The following GALNT10 variants were observed in gnomAD, a reference collection of about 807,000 sequenced individuals.
GALNT10 encodes the protein polypeptide N-acetylgalactosaminyltransferase 10.
In GALNT10, 41 loss-of-function variants were observed where a neutral mutation model predicts 75.0. The ratio of observed to expected loss-of-function variants is 0.55; its 90% CI spans 0.43 to 0.71. The LOEUF (loss-of-function observed/expected upper bound fraction) is 0.71. GALNT10 is among the 30% of genes least tolerant of loss of function. The pLI, the probability that GALNT10 is intolerant of heterozygous loss-of-function variation, is 0.00. For synonymous variants in GALNT10, 302 were observed against 313.0 expected (o/e 0.96, Z 0.37); for missense variants, 727 against 818.5 (o/e 0.89, Z 1.36).
intron 1 of GALNT10, among the ~76,000 whole-genome samples, chr5:154,196,729 T>C (rs1165758027): frequency 6.6e-6 from 1 of 152,200 alleles, no homozygotes; most frequent in Non-Finnish European, 1.5e-5. Context: ...CTTACCGGTC[T>C]ACTTTGGATC....
chr5:154,244,545 G>T (rs1192044527), intron 1 of GALNT10, among the ~76,000 whole-genome samples: 2 of 152,224 alleles, frequency 1.3e-5, no homozygotes, highest in African/African-American at 4.8e-5. Flanking sequence ...GCTGGGACTG[G>T]TGAGATTGGG....
chr5:154,265,280 G>A (rs917788490), intron 1 of GALNT10, among the ~76,000 whole-genome samples: 1 of 152,128 alleles, frequency 6.6e-6, no homozygotes, highest in African/African-American at 2.4e-5. Context: ...CCAGAACAAA[G>A]GGTGAAACCC....
chr5:154,350,641 C>T (rs1026499203), intron 4 of GALNT10, among the ~76,000 whole-genome samples: 1 of 152,136 alleles, frequency 6.6e-6, no homozygotes, highest in Admixed American at 6.5e-5. Context: ...TGATTTGTTG[C>T]ATTTGCTGAT....
intron 1 of GALNT10, among the ~76,000 whole-genome samples, chr5:154,293,746 C>T (rs182457304): frequency 1.1e-4 from 16 of 151,994 alleles, no homozygotes; most frequent in African/African-American, 1.2e-4. Flanking sequence ...CTTTTGCTTG[C>T]GGCACTCCTT....
chr5:154,233,055 C>T (rs948502407), intron 1 of GALNT10, among the ~76,000 whole-genome samples: 3 of 152,098 alleles, frequency 2.0e-5, no homozygotes, highest in African/African-American at 7.2e-5. Flanking sequence ...GCCTCAGTTT[C>T]CTTATCTGTA....
At chr5:154,395,464 T>C (rs983323611) in intron 7 of GALNT10, among the ~76,000 whole-genome samples, 1 of 152,244 alleles carries the variant, frequency 6.6e-6, no homozygotes, top group African/African-American at 2.4e-5. Flanking sequence ...CCAAAATATA[T>C]TAAAAGCTTA....
intron 3 of GALNT10, among the ~76,000 whole-genome samples, chr5:154,321,587 G>A (rs543755354): frequency 1.0e-3 from 157 of 152,274 alleles, no homozygotes; most frequent in Admixed American, 1.8e-3. Flanking sequence ...GCCTCCCAAA[G>A]TGTTGCGATT....
intron 1 of GALNT10, among the ~76,000 whole-genome samples, chr5:154,194,106 ACT>A (rs1457141788): frequency 6.6e-6 from 1 of 152,196 alleles, no homozygotes; most frequent in Non-Finnish European, 1.5e-5. Context: ...CAAGTTAGAA[ACT>A]CAGTGCAGTC....
At position 154,402,773 on chromosome 5, in the gene GALNT10, A is replaced by G. The variant is rs1756195273; in HGVS notation, c.1057-1331A>G. On this transcript the variant is annotated intron_variant, in intron 7 of 11. Coordinates refer to ENST00000297107, the MANE Select transcript of GALNT10 (RefSeq NM_198321.4). This position sits in a 1 kb window ranked among gnomAD's most constrained non-coding sequence, Gnocchi z 4.2. ...GGCAGGAGGCCTCAGCTCTCACCGC[A>G]TGGACCTCTCCACAGCATGGCTGGG... The G allele has an allele frequency of 6.6e-6, 1 of 152,238 alleles. No homozygotes were observed. Among genetic ancestry groups the G allele is most frequent in the African/African-American group, 2.4e-5 (1 of 41,448 alleles). The allele number at this position is 152,238 out of a possible 1,614,324, so 9.4% of individuals were successfully genotyped here.
intron 1 of GALNT10, among the ~76,000 whole-genome samples, chr5:154,262,056 G>A (rs1456767257): frequency 6.6e-6 from 1 of 152,198 alleles, no homozygotes; most frequent in East Asian, 1.9e-4. Context: ...TTACCTTGTA[G>A]GCTTTAGCTG....
intron 8 of GALNT10, among the ~76,000 whole-genome samples, chr5:154,405,092 T>G (rs943104510): frequency 1.3e-5 from 2 of 152,120 alleles, no homozygotes; most frequent in Non-Finnish European, 2.9e-5. Flanking sequence ...CGCACAGCTT[T>G]CCCTCCGGGG....
intron 1 of GALNT10, among the ~76,000 whole-genome samples, chr5:154,256,524 G>A (rs538002735): frequency 6.6e-6 from 1 of 152,014 alleles, no homozygotes; most frequent in Non-Finnish European, 1.5e-5. Context: ...TTTTTTAGGT[G>A]TGTCACAGGA....
At chr5:154,322,441 A>G (rs1425927255) in intron 3 of GALNT10, among the ~76,000 whole-genome samples, 1 of 152,114 alleles carries the variant, frequency 6.6e-6, no homozygotes, top group Non-Finnish European at 1.5e-5. Flanking sequence ...ACCCCTTGTG[A>G]TTACATTGGG....
rs1755229630 is a variant in GALNT10 at position 154,352,790 on chromosome 5, C to T, written c.568+23052C>T. Among the ~76,000 whole-genome samples the T allele has an allele frequency of 6.6e-6, 1 of 152,204 alleles. No homozygotes were observed. The highest frequency in any genetic ancestry group is 1.5e-5 in the Non-Finnish European group (1 of 68,040). ...AGCCCTTTAAATTGTGTTAATTGAG[C>T]AAAGCCTTTTGGTTTAAGAAACCTT... On this transcript the variant is annotated intron_variant, in intron 4 of 11. Coordinates refer to ENST00000297107, the MANE Select transcript of GALNT10 (RefSeq NM_198321.4). The surrounding 1 kb of genome is among the most constrained non-coding windows in gnomAD (Gnocchi z 4.4).
chr5:154,345,350 T>C (rs777584657), intron 4 of GALNT10, among the ~76,000 whole-genome samples: 1 of 152,200 alleles, frequency 6.6e-6, no homozygotes, highest in Non-Finnish European at 1.5e-5. Context: ...AAGTACATAA[T>C]ACAGCATTAT....
chr5:154,409,601 C>T lies in GALNT10; in HGVS notation c.1225C>T (p.Arg409Trp), dbSNP rs202239148. ...DEYAEYIYQR[R>W]PEYRHLSAGD... Reference sequence around the variant, plus strand: ...GTACGCAGAGTACATTTACCAGCGCCGGCCTGAATACCGCCACCTCTCCGC... The same window carrying T: ...GTACGCAGAGTACATTTACCAGCGCTGGCCTGAATACCGCCACCTCTCCGC... The change falls in exon 9 of 12, where the codon CGG (arginine) becomes TGG (tryptophan). Residue 409 changes from arginine (R) to tryptophan (W), a missense_variant. Coordinates refer to ENST00000297107, the MANE Select transcript of GALNT10 (RefSeq NM_198321.4). The surrounding 1 kb of genome is among the most constrained non-coding windows in gnomAD (Gnocchi z 4.5). 150 of 1,613,880 alleles carry T rather than the reference C, an allele frequency of 9.3e-5. No homozygotes were observed. The highest frequency in any genetic ancestry group is 1.1e-4 in the Non-Finnish European group (135 of 1,179,872).
rs1775167629 is a variant in GALNT10 at position 154,209,840 on chromosome 5, T to C, written c.159+18815T>C. ...TTCTGATTTAGGAATGTTAGTAAAG[T>C]GCATGTGTTATTATGTAATAGCTCT... is the stretch of plus-strand genomic sequence containing the variant. On this transcript the variant is annotated intron_variant, in intron 1 of 11. Coordinates refer to ENST00000297107, the MANE Select transcript of GALNT10 (RefSeq NM_198321.4). 2.6e-5 allele frequency among the ~76,000 whole-genome samples: 4 copies of C among 152,266 alleles called. No individual in the cohort carries two copies. The South Asian group carries it at 8.3e-4, about 32-fold the overall frequency.
intron 4 of GALNT10, among the ~76,000 whole-genome samples, chr5:154,350,395 A>G (rs1357460027): frequency 2.0e-5 from 3 of 152,234 alleles, no homozygotes; most frequent in Non-Finnish European, 4.4e-5. Flanking sequence ...TAGTGGGAGT[A>G]TAAATTGACA....
At chr5:154,191,399 A>G (rs1355714527) in intron 1 of GALNT10, among the ~76,000 whole-genome samples, 3 of 149,618 alleles carry the variant, frequency 2.0e-5, no homozygotes, top group African/African-American at 5.0e-5. Flanking sequence ...TGGTTCTTCT[A>G]TTTGGTGTCC....
Sources: gnomAD v4.1 joint callset for allele counts (sites outside exome capture counted in the v4.1 genomes callset) on GRCh38, gnomAD v4.1.1 for gene constraint, Gnocchi (gnomAD v3.1) non-coding constraint, MANE v1.5 for transcripts, NCBI Gene and HGNC (gene_info 2026-07-23, HGNC 2026-07-21) for gene names.